ING3: variants seen among roughly 807,000 people sequenced by gnomAD.
ING3 encodes the protein inhibitor of growth protein 3.
A neutral mutation model predicts 64.8 loss-of-function variants in ING3; 6 were observed. The observed-to-expected ratio is 0.09, with a 90% confidence interval of 0.05 to 0.18. ING3 has a LOEUF of 0.18. Ranked by LOEUF, ING3 falls within the 10% of genes least tolerant of loss-of-function variation. The pLI is 1.00. For missense variants in ING3, 310 were observed against 489.7 expected (o/e 0.63, Z 3.46); for synonymous variants, 170 against 173.7 (o/e 0.98, Z 0.17).
chr7:120,951,194 A>G lies in ING3; in HGVS notation c.59A>G (p.Asp20Gly). 1 of 1,614,056 alleles carries G rather than the reference A, an allele frequency of 6.2e-7. No individual in the cohort carries two copies. The highest frequency in any genetic ancestry group is 8.5e-7 in the Non-Finnish European group (1 of 1,180,010). ...GAGCAGCTTCCTATGGATCTGCGGG[A>G]CCGCTTCACGGAAATGCGCGAGATG... ...MIEQLPMDLR[D>G]RFTEMREMDL... The change falls in exon 2 of 12, where the codon GAC becomes GGC. Residue 20 changes from aspartate (D) to glycine (G), a missense_variant. Transcript: ENST00000315870.
chr7:120,968,614 G>A (rs1796027729), intron 8 of ING3, among the ~76,000 whole-genome samples: 1 of 152,062 alleles, frequency 6.6e-6, no homozygotes, highest in African/African-American at 2.4e-5. Flanking sequence ...ATAGGCCGAG[G>A]CAGGTGGATC....
rs1357257816 is a variant in ING3 at position 120,955,771 on chromosome 7, C to T, written c.267+147C>T. On this transcript the variant is annotated intron_variant, in intron 4 of 11. Coordinates refer to ENST00000315870, the MANE Select transcript of ING3 (RefSeq NM_019071.3). ...CACATCTAATTTGACATTTCAGTGTCCATTTTATGGTTTCTTTGTGGAAAA... is the reference window on the plus strand; with the variant it reads ...CACATCTAATTTGACATTTCAGTGTTCATTTTATGGTTTCTTTGTGGAAAA... The T allele has an allele frequency of 4.8e-6, 3 of 622,854 alleles. No individual in the cohort carries two copies. The African/African-American group carries it at 5.6e-5, about 12-fold the overall frequency. 38.6% of individuals were successfully genotyped at this position (622,854 alleles called of 1,614,324 possible). A position where few individuals can be genotyped will look rare whatever the true frequency, so the allele number is the denominator to read the frequency against.
intron 10 of ING3, among the ~76,000 whole-genome samples, chr7:120,972,858 T>G (rs1358976016): frequency 1.3e-5 from 2 of 152,170 alleles, no homozygotes; most frequent in Non-Finnish European, 2.9e-5. Flanking sequence ...TGACCTAATG[T>G]GACCCAAGAA....
chr7:120,956,847 T>G (rs886773532), intron 4 of ING3: 29 of 946,472 alleles, frequency 3.1e-5, no homozygotes, highest in Non-Finnish European at 3.5e-5. Flanking sequence ...GCCTGCTTTT[T>G]AATTCATATA....
At chr7:120,964,927 C>A in intron 5 of ING3, 89 bp downstream of exon 5, 3 of 1,051,916 alleles carry the variant, frequency 2.9e-6, no homozygotes, top group East Asian at 2.4e-5. Flanking sequence ...CTTTTGAAAT[C>A]CTGCCCTTCA....
chr7:120,953,757 T>C (rs1795802685), intron 3 of ING3, among the ~76,000 whole-genome samples: 1 of 152,144 alleles, frequency 6.6e-6, no homozygotes, highest in African/African-American at 2.4e-5. Flanking sequence ...GAAGAATATT[T>C]TATATATTGC....
intron 2 of ING3, among the ~76,000 whole-genome samples, chr7:120,951,498 C>T (rs553563387): frequency 2.4e-4 from 37 of 152,350 alleles, no homozygotes; most frequent in African/African-American, 8.7e-4. Flanking sequence ...AAAAATATTT[C>T]TCTACCGTCA....
At chr7:120,970,445 A>AC (rs962408586) in intron 9 of ING3, among the ~76,000 whole-genome samples, 3 of 151,422 alleles carry the variant, frequency 2.0e-5, no homozygotes, top group African/African-American at 7.3e-5. Context: ...AGTCTGGGCA[A>AC]CAGAGCGAGA....
Position 120,964,775 on chromosome 7 carries a change from C to T in ING3, c.301C>T (p.Leu101=). The change falls in exon 5 of 12, where the codon CTG becomes TTG. Residue 101 remains leucine (L), a synonymous_variant. Transcript: ENST00000315870. ...DRHLRKLDQE[L]AKFKMELEAD... ...ACACTTGAGAAAGCTGGATCAGGAA[C>T]TGGCTAAGTTTAAAATGGAGCTGGA... The T allele has an allele frequency of 6.2e-7, 1 of 1,613,716 alleles. No individual in the cohort carries two copies. The highest frequency in any genetic ancestry group is 1.1e-5 in the South Asian group (1 of 91,068).
rs1346268711 is a variant in ING3, at chr7:120,967,621, T to C, written c.529T>C (p.Ser177Pro). The stretch of plus-strand genomic sequence containing the variant: ...TGAAGCTCTTCTATCCACCCTTACG[T>C]CAGATGCCTCTAAGGAAAATACACT... ...KSEALLSTLT[S>P]DASKENTLGC... Residue 177 changes from serine to proline, a missense_variant, in exon 7 of 12, where the codon TCA becomes CCA. By Grantham distance (74) the Ser-to-Pro change is moderately conservative (BLOSUM62 -1). Coordinates refer to ENST00000315870, the MANE Select transcript of ING3 (RefSeq NM_019071.3). 1.9e-6 allele frequency: 3 copies of C among 1,605,608 alleles called. No homozygotes were observed. The Admixed American group carries it at 5.1e-5, about 27-fold the overall frequency.
intron 9 of ING3, among the ~76,000 whole-genome samples, chr7:120,970,479 A>G (rs922866174): frequency 9.2e-5 from 14 of 151,980 alleles, no homozygotes; most frequent in Non-Finnish European, 1.5e-5. Context: ...AAAAAAAAAA[A>G]ATACAAATAA....
intron 10 of ING3, among the ~76,000 whole-genome samples, chr7:120,971,885 G>A (rs974703845): frequency 5.0e-4 from 75 of 151,496 alleles, no homozygotes; most frequent in African/African-American, 1.6e-3. Context: ...TAAACATACC[G>A]GTTTACTAAA....
chr7:120,958,100 C>T (rs949257242), intron 4 of ING3, among the ~76,000 whole-genome samples: 2 of 152,194 alleles, frequency 1.3e-5, no homozygotes, highest in African/African-American at 4.8e-5. Flanking sequence ...GCTGCTGTCT[C>T]TCACTCTCCT....
At chr7:120,955,666 A>C in intron 4 of ING3, 42 bp downstream of exon 4, 1 of 1,236,882 alleles carries the variant, frequency 8.1e-7, no homozygotes, top group Non-Finnish European at 1.2e-6. Context: ...AAGTACTTGA[A>C]TAACAGATTA....
chr7:120,963,300 A>G (rs1795956824), intron 4 of ING3, among the ~76,000 whole-genome samples: 1 of 152,136 alleles, frequency 6.6e-6, no homozygotes, highest in Non-Finnish European at 1.5e-5. Context: ...TGTGTGTGTA[A>G]AGGTAGAAGG....
chr7:120,960,261 A>G (rs1795913948), intron 4 of ING3, among the ~76,000 whole-genome samples: 1 of 152,134 alleles, frequency 6.6e-6, no homozygotes, highest in Non-Finnish European at 1.5e-5. Flanking sequence ...ATGGGAAAGG[A>G]GCAGCATGAA....
At chr7:120,973,964 T>G (rs1397309059) in intron 11 of ING3, among the ~76,000 whole-genome samples, 1 of 152,172 alleles carries the variant, frequency 6.6e-6, no homozygotes, top group Non-Finnish European at 1.5e-5. Context: ...CTAGACCTGA[T>G]AGGGTTACAG....
At chr7:120,964,259 G>A (rs1236723364) in intron 4 of ING3, among the ~76,000 whole-genome samples, 2 of 152,130 alleles carry the variant, frequency 1.3e-5, no homozygotes, top group Non-Finnish European at 2.9e-5. Flanking sequence ...AGTAATAGAT[G>A]TATAGAATAT....
At chr7:120,966,347 G>T (rs1462365632) in intron 5 of ING3, among the ~76,000 whole-genome samples, 4 of 152,080 alleles carry the variant, frequency 2.6e-5, no homozygotes, top group Admixed American at 1.3e-4. Context: ...CACCCACTAT[G>T]GTGAATTCCC....
Sources: allele counts gnomAD v4.1 joint callset (sites outside exome capture counted in the v4.1 genomes callset), GRCh38; gene constraint gnomAD v4.1.1; transcripts MANE v1.5; gene names NCBI Gene and HGNC (gene_info 2026-07-23, HGNC 2026-07-21).